Variants in NEO1 observed in about 807,000 individuals in gnomAD.
NEO1 encodes the protein neogenin 1.
NEO1 carries 63 observed loss-of-function variants against 159.7 expected under a neutral mutation model. The ratio of observed to expected loss-of-function variants is 0.39; its 90% CI spans 0.32 to 0.49. The LOEUF (loss-of-function observed/expected upper bound fraction) is 0.49, where lower values mean the gene tolerates loss of function less well. NEO1 is among the 20% of genes least tolerant of loss of function. The probability of loss-of-function intolerance (pLI) is 0.85; values close to 1 mark genes in which losing one functional copy is unlikely to be tolerated. For synonymous variants in NEO1, 633 were observed against 662.0 expected (o/e 0.96, Z 0.67); for missense variants, 1,615 against 1,831.0 (o/e 0.88, Z 2.15).
intron 1 of NEO1, among the ~76,000 whole-genome samples, chr15:73,068,378 A>C (rs550862401): frequency 1.1e-4 from 16 of 151,740 alleles, no homozygotes; most frequent in Admixed American, 1.3e-4. Flanking sequence ...CACCTGGCTA[A>C]TTTTTGTATT....
At position 73,165,307 on chromosome 15, in the gene NEO1, G is replaced by C. The variant is rs560766476; in HGVS notation, c.1016-11096G>C. 1.0e-3 allele frequency among the ~76,000 whole-genome samples: 154 copies of C among 152,014 alleles called. 2 individuals are homozygous for C. Among genetic ancestry groups the C allele is most frequent in the Non-Finnish European group, 2.0e-3 (137 of 68,008 alleles). Reference sequence around the variant, plus strand: ...CAGGTAGTTTGAAGCTTGATAAAGAGGAGGCTTTTATGTTTTCTGTGTTCT... The same window carrying C: ...CAGGTAGTTTGAAGCTTGATAAAGACGAGGCTTTTATGTTTTCTGTGTTCT... On this transcript the variant is annotated intron_variant, in intron 5 of 28. Coordinates refer to ENST00000261908, the MANE Select transcript of NEO1 (RefSeq NM_002499.4).
At chr15:73,274,030 T>G in intron 20 of NEO1, 25 bp downstream of exon 20, 1 of 1,604,536 alleles carries the variant, frequency 6.2e-7, no homozygotes, top group Non-Finnish European at 8.5e-7. Flanking sequence ...GCTGAGGGTT[T>G]TGTTGTGTGT....
chr15:73,129,196 T>G (rs932901324), intron 4 of NEO1, among the ~76,000 whole-genome samples: 1 of 152,182 alleles, frequency 6.6e-6, no homozygotes, highest in Non-Finnish European at 1.5e-5. Context: ...AAAGTAATGT[T>G]GGAAAATATA....
intron 1 of NEO1, among the ~76,000 whole-genome samples, chr15:73,082,084 G>A (rs2069085611): frequency 1.3e-5 from 2 of 152,026 alleles, no homozygotes; most frequent in African/African-American, 4.8e-5. Context: ...ACATTGGCCG[G>A]ACTGGTCTCG....
rs369666055 is a variant in NEO1, at chr15:73,289,132, C to T, written c.3650-14C>T. 427 of 1,611,666 alleles carry T rather than the reference C, an allele frequency of 2.6e-4. No individual in the cohort carries two copies. The highest frequency in any genetic ancestry group is 3.4e-4 in the Non-Finnish European group (397 of 1,178,072). ...GGCACATGCTGGTAACTAACCTCCA[C>T]GTTTAACATCTAGGGCATGAGTCAG... On this transcript the variant is annotated splice_polypyrimidine_tract_variant and intron_variant, in intron 24 of 28. Transcript: ENST00000261908.
At chr15:73,063,026 C>T (rs775108716) in intron 1 of NEO1, among the ~76,000 whole-genome samples, 5 of 152,126 alleles carry the variant, frequency 3.3e-5, no homozygotes, top group Non-Finnish European at 4.4e-5. Context: ...AGGGAGGAAG[C>T]GTTCCTCTGT....
intron 5 of NEO1, among the ~76,000 whole-genome samples, chr15:73,151,774 A>T (rs551525228): frequency 6.6e-6 from 1 of 152,340 alleles, no homozygotes; most frequent in East Asian, 1.9e-4. Flanking sequence ...GTAAGTCAAG[A>T]TGAGATTTGG....
chr15:73,063,367 T>C (rs2068063500), intron 1 of NEO1, among the ~76,000 whole-genome samples: 1 of 152,130 alleles, frequency 6.6e-6, no homozygotes, highest in Non-Finnish European at 1.5e-5. Context: ...GCCTGGCTTA[T>C]TCATGGAATG....
chr15:73,240,360 G>A (rs942287455), intron 8 of NEO1, among the ~76,000 whole-genome samples: 2 of 152,180 alleles, frequency 1.3e-5, no homozygotes, highest in South Asian at 2.1e-4. Context: ...GCAGGGGCAG[G>A]TGGGCATGAC....
intron 11 of NEO1, 90 bp from the exon 12 acceptor site, chr15:73,253,310 A>T: frequency 2.9e-6 from 2 of 684,120 alleles, no homozygotes; most frequent in Non-Finnish European, 4.7e-6. Flanking sequence ...TGAGATGTGC[A>T]TTTGTTTAAA....
chr15:73,149,324 A>G (rs2033185572), intron 5 of NEO1, among the ~76,000 whole-genome samples: 1 of 152,060 alleles, frequency 6.6e-6, no homozygotes, highest in African/African-American at 2.4e-5. Flanking sequence ...AAAAAAAAAA[A>G]AACAGGGTTT....
rs751931564 is a variant in NEO1 at position 73,302,658 on chromosome 15, G to A, written c.4348G>A (p.Gly1450Arg). Residue 1450 changes from glycine (G) to arginine (R), a missense_variant, in exon 29 of 29, where the codon GGA (glycine) becomes AGA (arginine). Gly to Arg is a moderately radical substitution (Grantham distance 125). Transcript: ENST00000261908. ...GACCAAAGAGATGGCCCACCTGGAAGGACTAATGAAGGACCTAAACGCTAT... is the reference window on the plus strand; with the variant it reads ...GACCAAAGAGATGGCCCACCTGGAAAGACTAATGAAGGACCTAAACGCTAT... ...ELTKEMAHLEGLMKDLNAITT... is the reference protein window; with the variant it reads ...ELTKEMAHLERLMKDLNAITT... 1 of 1,614,118 alleles carries A rather than the reference G, an allele frequency of 6.2e-7. No homozygotes were observed. The highest frequency in any genetic ancestry group is 2.2e-5 in the East Asian group (1 of 44,878).
chr15:73,213,562 C>T (rs1363847761), intron 7 of NEO1, among the ~76,000 whole-genome samples: 2 of 152,112 alleles, frequency 1.3e-5, no homozygotes, highest in African/African-American at 2.4e-5. Context: ...GAATAATAGC[C>T]TCCAGTCTCA....
intron 1 of NEO1, among the ~76,000 whole-genome samples, chr15:73,082,986 T>A (rs1033922086): frequency 6.6e-6 from 1 of 151,994 alleles, no homozygotes; most frequent in Non-Finnish European, 1.5e-5. Flanking sequence ...GAGTGGCAAG[T>A]ATGAGGAATT....
In NEO1 at chr15:73,302,911, C is replaced by A; in HGVS notation, c.*215C>A. ...AGAAGCCTGTGTCGAGGCAGCTTCC[C>A]TTTGCCTGCTGATATTCTGCAGGAC... is the stretch of plus-strand genomic sequence containing the variant. On this transcript the variant is annotated 3_prime_UTR_variant, in exon 29 of 29. Transcript: ENST00000261908. 1.9e-6 allele frequency: 1 copy of A among 515,974 alleles called. No homozygotes were observed. 32.0% of individuals were successfully genotyped at this position (515,974 alleles called of 1,614,324 possible).
chr15:73,177,989 C>T (rs1432792248), intron 6 of NEO1, among the ~76,000 whole-genome samples: 1 of 152,144 alleles, frequency 6.6e-6, no homozygotes, highest in Admixed American at 6.5e-5. Flanking sequence ...ACAAATTGGA[C>T]TTTAACTGTG....
intron 7 of NEO1, among the ~76,000 whole-genome samples, chr15:73,226,978 AC>A (rs1233733184): frequency 6.6e-6 from 1 of 152,216 alleles, no homozygotes; most frequent in Non-Finnish European, 1.5e-5. Flanking sequence ...GATCTGCTTA[AC>A]CAAGGGTGCA....
intron 26 of NEO1, among the ~76,000 whole-genome samples, chr15:73,293,931 C>T (rs940492621): frequency 2.6e-5 from 4 of 152,144 alleles, no homozygotes; most frequent in African/African-American, 9.7e-5. Context: ...GTCACTGTAA[C>T]ATTGGGTAGG....
At chr15:73,116,321 GTTTT>G (rs139567962) in intron 1 of NEO1, among the ~76,000 whole-genome samples, 1 of 151,226 alleles carries the variant, frequency 6.6e-6, no homozygotes, top group African/African-American at 2.4e-5. Flanking sequence ...CAGGTAGAAG[GTTTT>G]TTTTTCCCCT....
Sources: gnomAD v4.1 joint callset for allele counts (sites outside exome capture counted in the v4.1 genomes callset) on GRCh38, gnomAD v4.1.1 for gene constraint, MANE v1.5 for transcripts, NCBI Gene and HGNC (gene_info 2026-07-23, HGNC 2026-07-21) for gene names.